The following LAMA2 variants were observed in gnomAD, a reference collection of about 807,000 sequenced individuals.
The protein encoded by LAMA2 is laminin subunit alpha 2.
A neutral mutation model predicts 364.8 loss-of-function variants in LAMA2; 269 were observed. The observed-to-expected ratio is 0.74, with a 90% CI of 0.67 to 0.82. LAMA2 has a LOEUF of 0.82. LAMA2 is among the 40% of genes least tolerant of loss of function. The pLI is 0.00. For synonymous variants in LAMA2, 1,379 were observed against 1,370.6 expected, an observed-to-expected ratio of 1.01 and a Z score of -0.14; for missense variants, 3,807 against 3,873.2, an observed-to-expected ratio of 0.98 and a Z score of 0.45.
intron 1 of LAMA2, among the ~76,000 whole-genome samples, chr6:129,043,186 C>T (rs1787223840): frequency 6.6e-6 from 1 of 152,050 alleles, no homozygotes; most frequent in Non-Finnish European, 1.5e-5. Flanking sequence ...TAATATAATG[C>T]CATTTAATCT....
At chr6:129,260,310 TAATATTGCC>T (rs1335434989) in intron 14 of LAMA2, among the ~76,000 whole-genome samples, 1 of 152,174 alleles carries the variant, frequency 6.6e-6, no homozygotes, top group Non-Finnish European at 1.5e-5. Flanking sequence ...GATGGAATAT[TAATATTGCC>T]TACTTCTGCT....
intron 1 of LAMA2, among the ~76,000 whole-genome samples, chr6:128,958,243 A>G (rs1316740648): frequency 6.6e-6 from 1 of 152,122 alleles, no homozygotes; most frequent in African/African-American, 2.4e-5. Flanking sequence ...GATGTGTGGC[A>G]CACATTGTTC....
At chr6:129,098,480 C>A (rs1775320332) in intron 4 of LAMA2, 65 bp downstream of exon 4, 1 of 1,530,030 alleles carries the variant, frequency 6.5e-7, no homozygotes, top group East Asian at 2.2e-5. Flanking sequence ...TCAGAAAGAC[C>A]TGAATATATC....
At chr6:129,438,618 A>G (rs748297076) in intron 41 of LAMA2, 28 bp from the exon 42 acceptor site, 1 of 1,115,354 alleles carries the variant, frequency 9.0e-7, no homozygotes, top group African/African-American at 1.5e-5. Flanking sequence ...AAACTTATTT[A>G]ATCCTTTTTT....
chr6:129,006,778 T>A (rs952260106), intron 1 of LAMA2, among the ~76,000 whole-genome samples: 14 of 152,122 alleles, frequency 9.2e-5, no homozygotes, highest in African/African-American at 3.1e-4. Context: ...CCCTTTGTAA[T>A]CAGATCTCCA....
At chr6:129,008,609 A>G (rs1253718911) in intron 1 of LAMA2, among the ~76,000 whole-genome samples, 1 of 152,186 alleles carries the variant, frequency 6.6e-6, no homozygotes, top group Non-Finnish European at 1.5e-5. Flanking sequence ...CAGTCATTTT[A>G]CTAAATTTTT....
intron 51 of LAMA2, among the ~76,000 whole-genome samples, chr6:129,468,308 C>A (rs1374682581): frequency 6.6e-6 from 1 of 151,596 alleles, no homozygotes; most frequent in East Asian, 1.9e-4. Flanking sequence ...TGGTTGTTAC[C>A]CATTCTCTAT....
At chr6:129,105,868 A>G (rs1775791867) in intron 4 of LAMA2, among the ~76,000 whole-genome samples, 2 of 152,174 alleles carry the variant, frequency 1.3e-5, no homozygotes, top group Admixed American at 6.6e-5. Flanking sequence ...TTTCTGTTGT[A>G]TGAGACTTTT....
rs147644539 is a variant in LAMA2, at chr6:129,332,638, T to G, written c.4311+4226T>G. On this transcript the variant is annotated intron_variant, in intron 29 of 64. Transcript: ENST00000421865. ...AGATATTTTATGTCTTACAGTAAACTGTTTTAAGGTTGTCTATATCAAGCA... is the reference window on the plus strand; with the variant it reads ...AGATATTTTATGTCTTACAGTAAACGGTTTTAAGGTTGTCTATATCAAGCA... Among the ~76,000 whole-genome samples, 345 of 152,316 alleles carry G rather than the reference T, an allele frequency of 2.3e-3. 2 individuals carry two copies. The highest frequency in any genetic ancestry group is 7.9e-3 in the African/African-American group (329 of 41,586).
At chr6:129,404,851 T>C (rs1365593255) in intron 40 of LAMA2, among the ~76,000 whole-genome samples, 4 of 152,020 alleles carry the variant, frequency 2.6e-5, no homozygotes, top group Non-Finnish European at 5.9e-5. Flanking sequence ...AAATACTTTC[T>C]AGGATTTAGG....
chr6:129,141,878 G>A (rs1778141385), intron 4 of LAMA2, among the ~76,000 whole-genome samples: 1 of 149,438 alleles, frequency 6.7e-6, no homozygotes, highest in Non-Finnish European at 1.5e-5. Flanking sequence ...GTATGTGTGT[G>A]TGAGTGTGAG....
intron 56 of LAMA2, chr6:129,491,154 G>C (rs531048358): frequency 6.6e-6 from 1 of 152,438 alleles, no homozygotes; most frequent in Admixed American, 6.5e-5. Context: ...CATGATGACT[G>C]TTAAGACCGA....
intron 63 of LAMA2, among the ~76,000 whole-genome samples, chr6:129,513,660 T>A (rs2114935890): frequency 6.6e-6 from 1 of 152,328 alleles, no homozygotes; most frequent in Admixed American, 6.5e-5. Flanking sequence ...TCAATATGTT[T>A]CGTTTCTTCA....
intron 12 of LAMA2, among the ~76,000 whole-genome samples, chr6:129,198,973 GAGAAT>G (rs1782013835): frequency 6.6e-6 from 1 of 152,112 alleles, no homozygotes; most frequent in Non-Finnish European, 1.5e-5. Flanking sequence ...AAACTTTCCA[GAGAAT>G]AGAACAACTG....
At chr6:129,420,618 CAG>C (rs1225210126) in intron 40 of LAMA2, among the ~76,000 whole-genome samples, 1 of 151,882 alleles carries the variant, frequency 6.6e-6, no homozygotes, top group Non-Finnish European at 1.5e-5. Context: ...AACAAAAAAA[CAG>C]AAAATAAATA....
At chr6:129,154,413 C>CAA in intron 7 of LAMA2, 92 bp from the exon 8 acceptor site, 4 of 1,126,884 alleles carry the variant, frequency 3.5e-6, no homozygotes, top group Non-Finnish European at 3.8e-6. Context: ...GACTCTGTCT[C>CAA]AAAAAAAAAA....
chr6:129,095,580 A>AT (rs1172993669), intron 3 of LAMA2, among the ~76,000 whole-genome samples: 3 of 151,680 alleles, frequency 2.0e-5, no homozygotes, highest in Admixed American at 6.6e-5. Flanking sequence ...TGAGCTGTAC[A>AT]TTTTTTTTCC....
intron 3 of LAMA2, among the ~76,000 whole-genome samples, chr6:129,081,736 G>A (rs185824704): frequency 3.9e-5 from 6 of 152,166 alleles, no homozygotes; most frequent in East Asian, 1.9e-4. Context: ...GTATTCACAA[G>A]GAATACCTGC....
chr6:129,205,652 A>T (rs1164024417), intron 12 of LAMA2, among the ~76,000 whole-genome samples: 1 of 151,988 alleles, frequency 6.6e-6, no homozygotes, highest in Non-Finnish European at 1.5e-5. Flanking sequence ...CGTGCCATCA[A>T]ACACTATAAA....
Sources: gnomAD v4.1 joint callset for allele counts (sites outside exome capture counted in the v4.1 genomes callset) on GRCh38, gnomAD v4.1.1 for gene constraint, MANE v1.5 for transcripts, NCBI Gene and HGNC (gene_info 2026-07-23, HGNC 2026-07-21) for gene names.